MARCHF8: variants seen among roughly 807,000 people sequenced by gnomAD.
The protein encoded by MARCHF8 is E3 ubiquitin-protein ligase MARCHF8.
Under a neutral mutation model 51.6 loss-of-function variants are expected in MARCHF8, and 40 were observed. That is an observed-to-expected ratio of 0.77 (90% confidence interval 0.60 to 1.01). The LOEUF is 1.01. MARCHF8 is among the 50% of genes least tolerant of loss of function. The pLI, the probability that MARCHF8 is intolerant of heterozygous loss-of-function variation, is 0.00. For missense variants in MARCHF8, 685 were observed against 708.6 expected (o/e 0.97, Z 0.38); for synonymous variants, 263 against 280.3 (o/e 0.94, Z 0.62).
At chr10:45,479,916 G>C (rs2042854730) in intron 3 of MARCHF8, among the ~76,000 whole-genome samples, 1 of 152,218 alleles carries the variant, frequency 6.6e-6, no homozygotes, top group African/African-American at 2.4e-5. Context: ...GAATGGTCTG[G>C]AGGGCTCAGA....
chr10:45,489,094 C>T (rs1459755339), intron 3 of MARCHF8, among the ~76,000 whole-genome samples: 1 of 152,152 alleles, frequency 6.6e-6, no homozygotes, highest in African/African-American at 2.4e-5. Flanking sequence ...ACAGACTCTC[C>T]TGTGCCTGAG....
intron 2 of MARCHF8, among the ~76,000 whole-genome samples, chr10:45,519,606 A>C (rs2043674297): frequency 6.6e-6 from 1 of 152,266 alleles, no homozygotes; most frequent in South Asian, 2.1e-4. Flanking sequence ...ATATTTATGA[A>C]AACTGAAATT....
At chr10:45,476,337 G>A (rs980119973) in intron 3 of MARCHF8, among the ~76,000 whole-genome samples, 11 of 152,240 alleles carry the variant, frequency 7.2e-5, no homozygotes, top group African/African-American at 2.7e-4. Flanking sequence ...CCCCAGGCAT[G>A]AGGATTGCTT....
chr10:45,463,029 T>A, intron 5 of MARCHF8, 122 bp downstream of exon 5: 1 of 1,287,568 alleles, frequency 7.8e-7, no homozygotes, highest in Non-Finnish European at 1.0e-6. Flanking sequence ...GAGAAAACCA[T>A]CAACCCACAA....
intron 1 of MARCHF8, among the ~76,000 whole-genome samples, chr10:45,569,355 G>C (rs1564519428): frequency 6.6e-6 from 1 of 152,048 alleles, no homozygotes; most frequent in Non-Finnish European, 1.5e-5. Flanking sequence ...TAATTGAAAT[G>C]ATTATATGGT....
rs972868944 is a variant in MARCHF8 at position 45,492,014 on chromosome 10, C to A, written c.103-2597G>T. 2.6e-5 allele frequency among the ~76,000 whole-genome samples: 4 copies of A among 152,128 alleles called. No homozygotes were observed. In the East Asian group the frequency reaches 7.7e-4, roughly 29 times the overall value. On this transcript the variant is annotated intron_variant, in intron 2 of 7. Coordinates refer to ENST00000453424, the MANE Select transcript of MARCHF8 (RefSeq NM_001282866.2). The stretch of plus-strand genomic sequence containing the variant: ...TACCTGCTAACTTAACATTATAAAC[C>A]CAGATTGAGAGCTAAAGCTGTTCCT...
chr10:45,565,201 G>T (rs4073658), intron 1 of MARCHF8, among the ~76,000 whole-genome samples: 12 of 151,954 alleles, frequency 7.9e-5, no homozygotes, highest in Admixed American at 3.3e-4. Flanking sequence ...GAGGCCAAGG[G>T]GGGTGAATCA....
intron 1 of MARCHF8, among the ~76,000 whole-genome samples, chr10:45,548,853 A>T (rs2044159814): frequency 1.3e-5 from 2 of 151,910 alleles, no homozygotes. Context: ...AAATTAGCCG[A>T]GAGTAGTGGC....
chr10:45,574,027 T>C (rs919646847), intron 1 of MARCHF8, among the ~76,000 whole-genome samples: 8 of 152,166 alleles, frequency 5.3e-5, no homozygotes, highest in African/African-American at 1.2e-4. Flanking sequence ...CCACACCTCA[T>C]TGTTGCCTTT....
At chr10:45,464,369 A>G in intron 3 of MARCHF8, 42 bp from the exon 4 acceptor site, 4 of 1,558,592 alleles carry the variant, frequency 2.6e-6, no homozygotes, top group Non-Finnish European at 3.5e-6. Flanking sequence ...GTAAGAGCCA[A>G]GGGGATTGTG....
At chr10:45,561,443 T>A (rs1394306796) in intron 1 of MARCHF8, among the ~76,000 whole-genome samples, 2 of 151,516 alleles carry the variant, frequency 1.3e-5, no homozygotes, top group Non-Finnish European at 2.9e-5. Flanking sequence ...TCCGGCTAAT[T>A]TTTGTATTTT....
At chr10:45,585,301 A>T (rs1231241497) in intron 1 of MARCHF8, among the ~76,000 whole-genome samples, 2 of 152,116 alleles carry the variant, frequency 1.3e-5, no homozygotes, top group Non-Finnish European at 2.9e-5. Context: ...TCACATCACC[A>T]CTGCTCATGA....
At position 45,541,534 on chromosome 10, in the gene MARCHF8, C is replaced by T. The variant is rs550047725; in HGVS notation, c.-78-8245G>A. Among the ~76,000 whole-genome samples, 5 of 151,986 alleles carry T rather than the reference C, an allele frequency of 3.3e-5. No individual in the cohort carries two copies. The South Asian group carries it at 8.3e-4, about 25-fold the overall frequency. On this transcript the variant is annotated intron_variant, in intron 1 of 6. Coordinates refer to the MARCHF8 transcript ENST00000319836. The stretch of plus-strand genomic sequence containing the variant: ...TGTATACATATGTAACAAACCTGCA[C>T]GTTGTGCACATGTACCCTAAAACTT...
At chr10:45,562,648 T>TA (rs1564517259) in intron 1 of MARCHF8, among the ~76,000 whole-genome samples, 3 of 151,812 alleles carry the variant, frequency 2.0e-5, no homozygotes, top group Admixed American at 2.0e-4. Flanking sequence ...CTTATTTTTT[T>TA]TAAAAAAAAG....
intron 2 of MARCHF8, among the ~76,000 whole-genome samples, chr10:45,492,791 AC>A (rs1247477637): frequency 6.6e-6 from 1 of 152,186 alleles, no homozygotes; most frequent in East Asian, 1.9e-4. Flanking sequence ...CTCACTCCTA[AC>A]CATATGCCAA....
chr10:45,572,681 C>T (rs868827404), intron 1 of MARCHF8, among the ~76,000 whole-genome samples: 5 of 152,088 alleles, frequency 3.3e-5, no homozygotes, highest in African/African-American at 1.2e-4. Context: ...AATCTTCCTT[C>T]TTTCCCTCCC....
At chr10:45,476,805 CA>C (rs147064348) in intron 3 of MARCHF8, among the ~76,000 whole-genome samples, 2,707 of 151,610 alleles carry the variant, frequency 0.018, 82 homozygotes, top group African/African-American at 0.061. Context: ...TCCAGTAAGA[CA>C]AAAAAATTTA....
chr10:45,564,109 C>G (rs943566864), intron 1 of MARCHF8, among the ~76,000 whole-genome samples: 1 of 152,126 alleles, frequency 6.6e-6, no homozygotes, highest in Non-Finnish European at 1.5e-5. Context: ...AACACTGTCT[C>G]TACTAAAAAT....
At chr10:45,486,764 C>T (rs989141123) in intron 3 of MARCHF8, among the ~76,000 whole-genome samples, 1 of 151,386 alleles carries the variant, frequency 6.6e-6, no homozygotes, top group Non-Finnish European at 1.5e-5. Flanking sequence ...ATGTTAATCC[C>T]AAGACTCGGA....
Sources: gnomAD v4.1 joint callset for allele counts (sites outside exome capture counted in the v4.1 genomes callset) on GRCh38, gnomAD v4.1.1 for gene constraint, MANE v1.5 for transcripts, NCBI Gene and HGNC (gene_info 2026-07-23, HGNC 2026-07-21) for gene names.